The following ERC2 variants were observed in gnomAD, a reference collection of about 807,000 sequenced individuals.
ERC2 encodes the protein ERC protein 2.
ERC2 carries 42 observed loss-of-function variants against 114.8 expected under a neutral mutation model. That is an observed-to-expected ratio of 0.37 (90% CI 0.29 to 0.47). ERC2 has a LOEUF of 0.47. ERC2 is among the 20% of genes least tolerant of loss of function. The probability of loss-of-function intolerance (pLI) is 0.99; values close to 1 mark genes in which losing one functional copy is unlikely to be tolerated. For synonymous variants in ERC2, 454 were observed against 425.5 expected, an observed-to-expected ratio of 1.07 and a Z score of -0.82; for missense variants, 939 against 1,150.7, an observed-to-expected ratio of 0.82 and a Z score of 2.66.
At chr3:56,135,176 C>T (rs1000136858) in intron 6 of ERC2, among the ~76,000 whole-genome samples, 1 of 152,094 alleles carries the variant, frequency 6.6e-6, no homozygotes, top group Non-Finnish European at 1.5e-5. Flanking sequence ...TGGTCTCAAA[C>T]TCCTGACCCT....
chr3:56,183,726 T>G (rs77155687), intron 3 of ERC2, among the ~76,000 whole-genome samples: 1 of 152,094 alleles, frequency 6.6e-6, no homozygotes, highest in South Asian at 2.1e-4. Flanking sequence ...GTGCATGCAT[T>G]CTCAATGAGG....
rs369265207 is a variant in ERC2, at chr3:56,003,743, T to C, written c.2061+3438A>G. On this transcript the variant is annotated intron_variant, in intron 10 of 17. Coordinates refer to ENST00000288221, the MANE Select transcript of ERC2 (RefSeq NM_015576.3). Reference sequence around the variant, plus strand: ...AAAATACTGTATTATCCATTGCCTATTACCAACTTCTACTGTTGTCTCCGG... The same window carrying C: ...AAAATACTGTATTATCCATTGCCTACTACCAACTTCTACTGTTGTCTCCGG... 1.2e-4 allele frequency among the ~76,000 whole-genome samples: 18 copies of C among 152,224 alleles called. 1 individual carries two copies. The South Asian group carries it at 3.7e-3, about 32-fold the overall frequency.
At chr3:55,551,477 G>A (rs897341699) in intron 17 of ERC2, among the ~76,000 whole-genome samples, 3 of 151,564 alleles carry the variant, frequency 2.0e-5, no homozygotes, top group South Asian at 4.2e-4. Flanking sequence ...GAGTTTTCAC[G>A]GTGCCACTGC....
At chr3:56,022,628 T>C (rs1340673342) in intron 7 of ERC2, among the ~76,000 whole-genome samples, 8 of 152,176 alleles carry the variant, frequency 5.3e-5, no homozygotes, top group Non-Finnish European at 1.2e-4. Context: ...GTTGGGAACC[T>C]TTTTCTTCAA....
chr3:56,019,356 A>C (rs973201847), intron 7 of ERC2, among the ~76,000 whole-genome samples: 1 of 152,186 alleles, frequency 6.6e-6, no homozygotes, highest in African/African-American at 2.4e-5. Context: ...GATAGGCTTG[A>C]ACTTGGTACA....
chr3:56,211,956 A>G (rs1419822714), intron 3 of ERC2, among the ~76,000 whole-genome samples: 1 of 152,212 alleles, frequency 6.6e-6, no homozygotes, highest in Non-Finnish European at 1.5e-5. Context: ...TCGACTCAAG[A>G]TGGATCAAAG....
chr3:56,215,944 A>G (rs1339825857), intron 3 of ERC2, among the ~76,000 whole-genome samples: 3 of 152,324 alleles, frequency 2.0e-5, no homozygotes, highest in East Asian at 3.9e-4. Flanking sequence ...TTTGAAACCA[A>G]CGAGAACAAA....
At chr3:56,346,288 T>A (rs1377929431) in intron 2 of ERC2, among the ~76,000 whole-genome samples, 2 of 152,172 alleles carry the variant, frequency 1.3e-5, no homozygotes, top group African/African-American at 2.4e-5. Context: ...TTTTTTAAAT[T>A]TCTACTTGCC....
intron 3 of ERC2, among the ~76,000 whole-genome samples, chr3:56,219,675 A>AG (rs2049765029): frequency 8.8e-5 from 1 of 11,368 alleles, no homozygotes; most frequent in Non-Finnish European, 1.6e-3. Context: ...CTCAAGTGCG[A>AG]AAAAAAAAAA....
intron 1 of ERC2, among the ~76,000 whole-genome samples, chr3:56,451,942 T>C (rs2062843545): frequency 6.6e-6 from 1 of 152,134 alleles, no homozygotes; most frequent in South Asian, 2.1e-4. Flanking sequence ...TAGAGTGTGG[T>C]CTCAGATGGA....
chr3:56,396,678 T>G (rs2060319048), intron 2 of ERC2, among the ~76,000 whole-genome samples: 2 of 152,172 alleles, frequency 1.3e-5, no homozygotes, highest in Non-Finnish European at 2.9e-5. Context: ...GTTTTAGGGT[T>G]TTTTTGTTTT....
At chr3:56,120,973 G>C (rs2079541614) in intron 6 of ERC2, among the ~76,000 whole-genome samples, 2 of 152,160 alleles carry the variant, frequency 1.3e-5, no homozygotes, top group South Asian at 4.1e-4. Flanking sequence ...TAAAAGTACT[G>C]ATAAGTCTGA....
chr3:55,819,686 A>G (rs1248816312), intron 14 of ERC2, among the ~76,000 whole-genome samples: 1 of 152,194 alleles, frequency 6.6e-6, no homozygotes, highest in East Asian at 1.9e-4. Flanking sequence ...CACTTGTGGG[A>G]TAGCATCTAT....
chr3:55,753,758 T>C (rs2066875438), intron 14 of ERC2, among the ~76,000 whole-genome samples: 1 of 152,162 alleles, frequency 6.6e-6, no homozygotes, highest in African/African-American at 2.4e-5. Context: ...CTGACAATAA[T>C]CCATTGGCAA....
intron 12 of ERC2, among the ~76,000 whole-genome samples, chr3:55,982,012 C>T (rs536587638): frequency 6.6e-6 from 1 of 152,252 alleles, no homozygotes; most frequent in East Asian, 1.9e-4. Context: ...GCAACTCCTG[C>T]CCTGGCTTTA....
At chr3:56,429,394 C>A (rs1282153569) in intron 2 of ERC2, among the ~76,000 whole-genome samples, 1 of 152,210 alleles carries the variant, frequency 6.6e-6, no homozygotes, top group Non-Finnish European at 1.5e-5. Flanking sequence ...CCTCCCCCAA[C>A]TGTTCTACAG....
At chr3:56,196,493 C>CT (rs58861980) in intron 3 of ERC2, among the ~76,000 whole-genome samples, 1,575 of 120,684 alleles carry the variant, frequency 0.013, 23 homozygotes, top group African/African-American at 0.028. Context: ...TTCTTGCCTT[C>CT]TTTTTTTTTT....
At chr3:56,347,149 C>G (rs1356707971) in intron 2 of ERC2, among the ~76,000 whole-genome samples, 1 of 152,116 alleles carries the variant, frequency 6.6e-6, no homozygotes, top group Non-Finnish European at 1.5e-5. Flanking sequence ...CCACAAGAAC[C>G]AAACTCTGCT....
chr3:56,211,801 A>G (rs1468147698), intron 3 of ERC2, among the ~76,000 whole-genome samples: 1 of 152,188 alleles, frequency 6.6e-6, no homozygotes, highest in Non-Finnish European at 1.5e-5. Flanking sequence ...TAAGCCAAAT[A>G]CTTACGGCCA....
Sources: gnomAD v4.1 joint callset for allele counts (sites outside exome capture counted in the v4.1 genomes callset) on GRCh38, gnomAD v4.1.1 for gene constraint, MANE v1.5 for transcripts, NCBI Gene and HGNC (gene_info 2026-07-23, HGNC 2026-07-21) for gene names.